The following ENKUR variants were observed in gnomAD, a reference collection of about 807,000 sequenced individuals.
ENKUR encodes enkurin, TRPC channel interacting protein.
In ENKUR, 19 loss-of-function variants were observed where a neutral mutation model predicts 27.6. The ratio of observed to expected loss-of-function variants is 0.69; its 90% CI spans 0.48 to 1.01. The LOEUF (loss-of-function observed/expected upper bound fraction) is 1.01, where lower values mean the gene tolerates loss of function less well. Among genes scored for constraint, ENKUR ranks in the 50% least tolerant of loss-of-function variants. The pLI is 0.00. For synonymous variants in ENKUR, 117 were observed against 96.9 expected, an observed-to-expected ratio of 1.21 and a Z score of -1.22; for missense variants, 312 against 310.5, an observed-to-expected ratio of 1.00 and a Z score of -0.04.
chr10:25,029,814 G>GACAT (rs1850914134), intron 2 of ENKUR, among the ~76,000 whole-genome samples: 1 of 152,160 alleles, frequency 6.6e-6, no homozygotes. Flanking sequence ...ATGGAAAAGG[G>GACAT]ACATGTCAAG....
chr10:25,013,166 CTG>C (rs1850489630), intron 1 of ENKUR, among the ~76,000 whole-genome samples: 2 of 152,212 alleles, frequency 1.3e-5, no homozygotes, highest in South Asian at 2.1e-4. Context: ...CCATGTGAAA[CTG>C]TGAGTCAATT....
chr10:25,053,267 A>T (rs7896122), intron 2 of ENKUR, among the ~76,000 whole-genome samples: 48,344 of 152,052 alleles, frequency 0.32, 7,920 homozygotes, highest in East Asian at 0.46. Context: ...TAACATATCC[A>T]TCACTCCAAA....
chr10:25,034,231 A>C (rs1850975681), intron 2 of ENKUR, among the ~76,000 whole-genome samples: 1 of 152,192 alleles, frequency 6.6e-6, no homozygotes, highest in Non-Finnish European at 1.5e-5. Flanking sequence ...GTACACATAC[A>C]AACTTTTTCA....
intron 2 of ENKUR, among the ~76,000 whole-genome samples, chr10:25,060,327 A>G (rs912745750): frequency 1.3e-5 from 2 of 152,210 alleles, no homozygotes; most frequent in African/African-American, 2.4e-5. Flanking sequence ...TTCTCATAAC[A>G]CACACTCCAA....
At chr10:25,039,076 C>G (rs1304686045) in intron 2 of ENKUR, among the ~76,000 whole-genome samples, 1 of 152,140 alleles carries the variant, frequency 6.6e-6, no homozygotes, top group Non-Finnish European at 1.5e-5. Context: ...TGCCCTGTTA[C>G]TGTGGATTTT....
At chr10:25,032,062 G>C (rs941317842) in intron 2 of ENKUR, among the ~76,000 whole-genome samples, 1 of 152,104 alleles carries the variant, frequency 6.6e-6, no homozygotes, top group African/African-American at 2.4e-5. Context: ...TTTGGTCTCT[G>C]TCTTTCCTAT....
chr10:25,007,605 T>A (rs1242662467), intron 1 of ENKUR, among the ~76,000 whole-genome samples: 1 of 152,104 alleles, frequency 6.6e-6, no homozygotes, highest in African/African-American at 2.4e-5. Context: ...CGGGTAATTT[T>A]TTGTATTTTT....
rs1252245402 is a variant in ENKUR at position 24,998,124 on chromosome 10, G to A, written c.223+1277C>T. On this transcript the variant is annotated intron_variant, in intron 2 of 5. Transcript: ENST00000331161. The stretch of plus-strand genomic sequence containing the variant: ...TTTTCATGAGATATGGGTTGAGAGA[G>A]GATTTGGGGACATTAAATACTGCCA... Among the ~76,000 whole-genome samples, 3 of 152,024 alleles carry A rather than the reference G, an allele frequency of 2.0e-5. No individual in the cohort carries two copies. In the East Asian group the frequency reaches 5.8e-4, roughly 29 times the overall value.
intron 1 of ENKUR, among the ~76,000 whole-genome samples, chr10:25,011,795 C>G (rs138893027): frequency 2.6e-5 from 4 of 152,126 alleles, no homozygotes; most frequent in Non-Finnish European, 5.9e-5. Flanking sequence ...CCCGATGATG[C>G]AATAGAAAAG....
At chr10:25,027,387 A>AAAAAAAAAAAAAAAAAAAAG in intron 2 of ENKUR, among the ~76,000 whole-genome samples, 1 of 139,450 alleles carries the variant, frequency 7.2e-6, no homozygotes, top group Admixed American at 7.1e-5. Context: ...AAAAAAAAAA[A>AAAAAAAAAAAAAAAAAAAAG]CTAGCCAGGC....
At chr10:25,011,940 T>A (rs1310409064) in intron 1 of ENKUR, among the ~76,000 whole-genome samples, 1 of 152,186 alleles carries the variant, frequency 6.6e-6, no homozygotes, top group East Asian at 1.9e-4. Context: ...GCCCCTCCCA[T>A]CACAGGCCCA....
intron 2 of ENKUR, among the ~76,000 whole-genome samples, chr10:25,049,037 G>T (rs183551498): frequency 6.6e-6 from 1 of 152,078 alleles, no homozygotes; most frequent in Non-Finnish European, 1.5e-5. Flanking sequence ...AAGTCGTGAT[G>T]CCTTTATTTT....
At chr10:24,997,711 T>A (rs1850095359) in intron 2 of ENKUR, among the ~76,000 whole-genome samples, 1 of 151,996 alleles carries the variant, frequency 6.6e-6, no homozygotes, top group Non-Finnish European at 1.5e-5. Context: ...ATTGATGAAT[T>A]ATTCTAAAGG....
intron 2 of ENKUR, among the ~76,000 whole-genome samples, chr10:25,042,534 A>G (rs1851076738): frequency 6.6e-6 from 1 of 152,076 alleles, no homozygotes. Flanking sequence ...ACCTCAGGTG[A>G]TCCACCCGCC....
At chr10:25,027,357 CAA>C (rs71399946) in intron 2 of ENKUR, among the ~76,000 whole-genome samples, 1,333 of 48,140 alleles carry the variant, frequency 0.028, 2 homozygotes, top group Non-Finnish European at 0.036. Context: ...ACTCCCGTCT[CAA>C]AAAAAAAAAA....
chr10:25,024,232 C>T, intron 2 of ENKUR: 2 of 1,614,174 alleles, frequency 1.2e-6, no homozygotes, highest in Non-Finnish European at 1.7e-6. Flanking sequence ...TTCAGGCAAC[C>T]AGTTCATCCT....
At chr10:25,020,274 CTATATA>C (rs370068893), upstream of ENKUR, among the ~76,000 whole-genome samples, 2 of 97,454 alleles carry the variant, frequency 2.1e-5, no homozygotes, top group Admixed American at 1.3e-4. Context: ...ATATCTATAT[CTATATA>C]TATCTACCCC....
chr10:25,003,608 AT>A, intron 1 of ENKUR, among the ~76,000 whole-genome samples: 1 of 152,238 alleles, frequency 6.6e-6, no homozygotes, highest in East Asian at 1.9e-4. Flanking sequence ...AAATAGCTGC[AT>A]TTTACTCCAT....
At chr10:25,024,698 G>A (rs751043333) in intron 2 of ENKUR, 2 of 1,614,088 alleles carry the variant, frequency 1.2e-6, no homozygotes, top group Non-Finnish European at 1.7e-6. Flanking sequence ...GATCTTGTTA[G>A]TCAAGGATTT....
Sources: allele counts gnomAD v4.1 joint callset (sites outside exome capture counted in the v4.1 genomes callset), GRCh38; gene constraint gnomAD v4.1.1; transcripts MANE v1.5; gene names NCBI Gene and HGNC (gene_info 2026-07-23, HGNC 2026-07-21).